The following CACNG5 variants were observed in gnomAD, a reference collection of about 807,000 sequenced individuals.
CACNG5 encodes calcium voltage-gated channel auxiliary subunit gamma 5.
In CACNG5, 18 loss-of-function variants were observed where a neutral mutation model predicts 24.8. That is an observed-to-expected ratio of 0.73 (90% CI 0.50 to 1.08). CACNG5 has a LOEUF of 1.08. Ranked by LOEUF, CACNG5 falls within the 50% of genes least tolerant of loss-of-function variation. The pLI, the probability that CACNG5 is intolerant of heterozygous loss-of-function variation, is 0.00. For missense variants in CACNG5, 349 were observed against 367.9 expected, an observed-to-expected ratio of 0.95 and a Z score of 0.42; for synonymous variants, 157 against 149.1, an observed-to-expected ratio of 1.05 and a Z score of -0.39.
chr17:66,842,345 A>G (rs1976581570), intron 1 of CACNG5, among the ~76,000 whole-genome samples: 1 of 152,168 alleles, frequency 6.6e-6, no homozygotes, highest in African/African-American at 2.4e-5. Context: ...TAAGACAGAT[A>G]ATGAGAGCAC....
chr17:66,858,085 C>T (rs1976805867), intron 1 of CACNG5, among the ~76,000 whole-genome samples: 1 of 152,148 alleles, frequency 6.6e-6, no homozygotes, highest in Admixed American at 6.5e-5. Flanking sequence ...TCTTGGAAAG[C>T]AGACACTTTC....
chr17:66,863,353 ATTGTTGTTG>A (rs1015143461), intron 1 of CACNG5, among the ~76,000 whole-genome samples: 1 of 149,988 alleles, frequency 6.7e-6, no homozygotes, highest in Non-Finnish European at 1.5e-5. Context: ...TTTTTTTGTT[ATTGTTGTTG>A]TTGCTGTTGT....
chr17:66,872,373 G>A (rs1238295590), intron 1 of CACNG5, among the ~76,000 whole-genome samples: 1 of 152,148 alleles, frequency 6.6e-6, no homozygotes, highest in Non-Finnish European at 1.5e-5. Context: ...CTCGAACAAG[G>A]GTCTAGGAAT....
At chr17:66,856,631 G>A (rs1052519301) in intron 1 of CACNG5, among the ~76,000 whole-genome samples, 5 of 146,388 alleles carry the variant, frequency 3.4e-5, no homozygotes, top group South Asian at 2.4e-4. Context: ...AATCTCCGCC[G>A]CCCAGGTTCA....
At position 66,861,471 on chromosome 17, in the gene CACNG5, T is replaced by G. The variant is rs78051153; in HGVS notation, c.-103-15759T>G. The stretch of plus-strand genomic sequence containing the variant: ...GGGAGATGGTGTGAATTACTATGTG[T>G]AAATTGCTAGAACAGTGTCTGGCAC... On this transcript the variant is annotated intron_variant, in intron 1 of 5. Coordinates refer to ENST00000533854, the MANE Select transcript of CACNG5 (RefSeq NM_145811.3). 5.7e-3 allele frequency among the ~76,000 whole-genome samples: 866 copies of G among 152,322 alleles called. 4 individuals carry two copies. Among genetic ancestry groups the G allele is most frequent in the Non-Finnish European group, 9.9e-3 (675 of 68,020 alleles).
chr17:66,865,459 G>A (rs895582087), intron 1 of CACNG5, among the ~76,000 whole-genome samples: 3 of 152,062 alleles, frequency 2.0e-5, no homozygotes, highest in Admixed American at 2.0e-4. Context: ...TGTAGCTACA[G>A]CAAACAGAGC....
intron 1 of CACNG5, among the ~76,000 whole-genome samples, chr17:66,866,376 C>T (rs1363246401): frequency 6.6e-6 from 1 of 152,146 alleles, no homozygotes; most frequent in African/African-American, 2.4e-5. Flanking sequence ...CTCAGGTGAT[C>T]TTCTCGCTTC....
Position 66,865,479 on chromosome 17 carries a change from C to A in CACNG5, c.-103-11751C>A, listed in dbSNP as rs904407865. Among the ~76,000 whole-genome samples, 20 of 151,966 alleles carry A rather than the reference C, an allele frequency of 1.3e-4. 1 individual carries two copies. The highest frequency in any genetic ancestry group is 1.3e-3 in the Admixed American group (20 of 15,260). The stretch of plus-strand genomic sequence containing the variant: ...CTACAGCAAACAGAGCTGAGCAGAG[C>A]CCAGGTTCCAAATTCTCAGTAGAAA... On this transcript the variant is annotated intron_variant, in intron 1 of 5. Transcript: ENST00000533854.
intron 1 of CACNG5, among the ~76,000 whole-genome samples, chr17:66,838,079 G>T (rs866035111): frequency 6.6e-6 from 1 of 151,906 alleles, no homozygotes; most frequent in Non-Finnish European, 1.5e-5. Context: ...CGTGGGGTTT[G>T]GTGTGTTCTA....
intron 1 of CACNG5, among the ~76,000 whole-genome samples, chr17:66,863,629 A>G (rs1036517059): frequency 1.3e-5 from 2 of 152,228 alleles, no homozygotes; most frequent in African/African-American, 4.8e-5. Context: ...ATCCTCCCAA[A>G]GTGCTGGGAT....
chr17:66,866,173 G>A (rs1218313176), intron 1 of CACNG5, among the ~76,000 whole-genome samples: 1 of 152,096 alleles, frequency 6.6e-6, no homozygotes, highest in Admixed American at 6.5e-5. Flanking sequence ...GCAAATCAGA[G>A]ACTATATATA....
chr17:66,861,527 T>G (rs1240879019), intron 1 of CACNG5, among the ~76,000 whole-genome samples: 1 of 152,144 alleles, frequency 6.6e-6, no homozygotes, highest in Non-Finnish European at 1.5e-5. Flanking sequence ...GTCATCCTAC[T>G]GGAATAGGGG....
chr17:66,884,750 T>G (rs770574426), intron 5 of CACNG5, 89 bp downstream of exon 5: 1 of 1,613,772 alleles, frequency 6.2e-7, no homozygotes, highest in African/African-American at 1.3e-5. Context: ...AGAAGGGACA[T>G]TCCACAACCA....
intron 4 of CACNG5, among the ~76,000 whole-genome samples, 189 bp downstream of exon 4, chr17:66,880,886 C>T (rs1162865671): frequency 6.6e-6 from 1 of 152,154 alleles, no homozygotes; most frequent in Admixed American, 6.5e-5. Flanking sequence ...TTACAGGTGC[C>T]TGCCACCACA....
At chr17:66,870,078 C>CTCT (rs1474480059) in intron 1 of CACNG5, among the ~76,000 whole-genome samples, 1 of 150,830 alleles carries the variant, frequency 6.6e-6, no homozygotes, top group Admixed American at 6.6e-5. Context: ...AGTGAAACTC[C>CTCT]GTCTCAAAAA....
chr17:66,854,876 A>C (rs1976750838), intron 1 of CACNG5, among the ~76,000 whole-genome samples: 1 of 152,222 alleles, frequency 6.6e-6, no homozygotes, highest in Admixed American at 6.5e-5. Flanking sequence ...ATTTCACAGA[A>C]AAGGGAAGAG....
chr17:66,884,500 C>T lies in CACNG5; in HGVS notation c.425-16C>T, dbSNP rs182462140. 4,729 of 1,595,824 alleles carry T rather than the reference C, an allele frequency of 3.0e-3. 12 individuals are homozygous for T. Among genetic ancestry groups the T allele is most frequent in the Non-Finnish European group, 3.8e-3 (4,422 of 1,170,086 alleles). On this transcript the variant is annotated splice_polypyrimidine_tract_variant and intron_variant, in intron 4 of 5. Coordinates refer to ENST00000533854, the MANE Select transcript of CACNG5 (RefSeq NM_145811.3). Reference sequence around the variant, plus strand: ...CCTCTGGGCTGAGCATCCCCTCTCCCCTGCTGCCCAACCAGGCCTCTCTCT... The same window carrying T: ...CCTCTGGGCTGAGCATCCCCTCTCCTCTGCTGCCCAACCAGGCCTCTCTCT...
At chr17:66,851,863 G>A (rs1821575666) in intron 1 of CACNG5, among the ~76,000 whole-genome samples, 5 of 152,232 alleles carry the variant, frequency 3.3e-5, no homozygotes, top group South Asian at 4.1e-4. Context: ...AACCTAAATA[G>A]ATTGTAGCCA....
In CACNG5 at chr17:66,860,167, G is replaced by A. The variant is rs370257640; in HGVS notation, c.-103-17063G>A. ...ACGAGAACCAGGCTGAGAGGTGAAT[G>A]AGAGACAGTTTAGTATAGCAGATAA... On this transcript the variant is annotated intron_variant, in intron 1 of 5. Coordinates refer to ENST00000533854, the MANE Select transcript of CACNG5 (RefSeq NM_145811.3). 2.0e-5 allele frequency among the ~76,000 whole-genome samples: 3 copies of A among 152,132 alleles called. No individual in the cohort carries two copies. In the East Asian group the frequency reaches 5.8e-4, roughly 29 times the overall value.
Sources: allele counts gnomAD v4.1 joint callset (sites outside exome capture counted in the v4.1 genomes callset), GRCh38; gene constraint gnomAD v4.1.1; transcripts MANE v1.5; gene names NCBI Gene and HGNC (gene_info 2026-07-23, HGNC 2026-07-21).